Variants in CNGA1 observed in about 807,000 individuals in gnomAD.
The protein encoded by CNGA1 is cyclic nucleotide-gated channel alpha-1.
Under a neutral mutation model 69.7 loss-of-function variants are expected in CNGA1, and 53 were observed. That is an observed-to-expected ratio of 0.76 (90% CI 0.61 to 0.96). CNGA1 has a LOEUF of 0.96. CNGA1 is among the 40% of genes least tolerant of loss of function. The probability of loss-of-function intolerance (pLI) is 0.00; values close to 1 mark genes in which losing one functional copy is unlikely to be tolerated. For synonymous variants in CNGA1, 249 were observed against 283.5 expected, an observed-to-expected ratio of 0.88 and a Z score of 1.22; for missense variants, 739 against 811.2, an observed-to-expected ratio of 0.91 and a Z score of 1.08.
chr4:47,952,046 T>C (rs1739773483), intron 4 of CNGA1, among the ~76,000 whole-genome samples: 1 of 152,146 alleles, frequency 6.6e-6, no homozygotes, highest in African/African-American at 2.4e-5. Flanking sequence ...TAATAGATGC[T>C]TCCAAAAAAG....
chr4:47,983,407 G>A lies in CNGA1; in HGVS notation c.-122-1907C>T, dbSNP rs1578111423. Among the ~76,000 whole-genome samples, 4 of 152,070 alleles carry A rather than the reference G, an allele frequency of 2.6e-5. No individual in the cohort carries two copies. The Middle Eastern group carries it at 0.014, about 517-fold the overall frequency. On this transcript the variant is annotated intron_variant, in intron 2 of 10. Coordinates refer to ENST00000514170, the MANE Select transcript of CNGA1 (RefSeq NM_001379270.1). ...AGTTTGAGACCAGCCTGACCAACAT[G>A]AGGAAACCCTGTCTCTACTAAAAAT...
chr4:47,983,317 G>A (rs762160457), intron 2 of CNGA1, among the ~76,000 whole-genome samples: 26 of 152,062 alleles, frequency 1.7e-4, no homozygotes, highest in Admixed American at 4.6e-4. Context: ...TTGGCGGGGC[G>A]TCGTGGCTCA....
At chr4:47,983,888 C>T (rs1741859066) in intron 2 of CNGA1, among the ~76,000 whole-genome samples, 1 of 152,134 alleles carries the variant, frequency 6.6e-6, no homozygotes, top group Non-Finnish European at 1.5e-5. Context: ...TGGCTGCTAC[C>T]ATATCAGAGT....
intron 2 of CNGA1, among the ~76,000 whole-genome samples, chr4:48,006,262 A>C (rs960435749): frequency 1.3e-5 from 2 of 152,166 alleles, no homozygotes; most frequent in African/African-American, 4.8e-5. Context: ...CTACCTTCTA[A>C]AGAGAACCAA....
intron 3 of CNGA1, among the ~76,000 whole-genome samples, chr4:47,953,890 C>T (rs1055160157): frequency 6.6e-6 from 1 of 150,978 alleles, no homozygotes; most frequent in African/African-American, 2.4e-5. Flanking sequence ...GGGCTCCACA[C>T]TCGGGCCTTA....
chr4:47,962,343 CA>C (rs34020963), intron 3 of CNGA1, among the ~76,000 whole-genome samples: 23,253 of 125,886 alleles, frequency 0.18, 1,879 homozygotes, highest in South Asian at 0.3. Flanking sequence ...GACTCTGTCT[CA>C]AAAAAAAAAA....
chr4:48,011,430 C>CAT (rs1715161437), intron 1 of CNGA1, among the ~76,000 whole-genome samples: 1 of 150,552 alleles, frequency 6.6e-6, no homozygotes, highest in South Asian at 2.1e-4. Context: ...CACACACACA[C>CAT]ATCTTGGATG....
At chr4:47,988,820 A>G (rs1333810045) in intron 2 of CNGA1, among the ~76,000 whole-genome samples, 2 of 152,032 alleles carry the variant, frequency 1.3e-5, no homozygotes, top group African/African-American at 4.8e-5. Context: ...AAAGACCTCA[A>G]TTTGAGTCCA....
intron 3 of CNGA1, among the ~76,000 whole-genome samples, chr4:47,976,138 T>A (rs1328507557): frequency 1.0e-5 from 1 of 99,486 alleles, no homozygotes; most frequent in Non-Finnish European, 2.2e-5. Flanking sequence ...CCTAAGCATT[T>A]ACTTTCATAT....
At chr4:47,950,702 G>A (rs1405442105) in intron 5 of CNGA1, among the ~76,000 whole-genome samples, 2 of 152,240 alleles carry the variant, frequency 1.3e-5, no homozygotes, top group South Asian at 2.1e-4. Flanking sequence ...TGTAAAACAG[G>A]TGGAAACCCC....
At chr4:47,983,452 G>T (rs868527828) in intron 2 of CNGA1, among the ~76,000 whole-genome samples, 17 of 151,940 alleles carry the variant, frequency 1.1e-4, no homozygotes, top group African/African-American at 3.6e-4. Context: ...AGCTGGGCGT[G>T]GTGGTACAGT....
chr4:47,937,597 C>T lies in CNGA1; in HGVS notation c.885G>A (p.Arg295=). The T allele has an allele frequency of 6.2e-7, 1 of 1,614,084 alleles. No homozygotes were observed. Among genetic ancestry groups the T allele is most frequent in the Non-Finnish European group, 8.5e-7 (1 of 1,180,018 alleles). ...CGATATACATAACAAGGTTGGAAAT[C>T]CTGAAGATGTTTGGATAGTTTGTCC... ...ETRTNYPNIF[R]ISNLVMYIVI... is the part of the protein sequence containing the mutation. The change falls in exon 11 of 11, where the codon AGG becomes AGA. Residue 295 remains arginine (R), a synonymous_variant. Transcript: ENST00000514170.
At chr4:47,983,046 C>T (rs1041463763) in intron 2 of CNGA1, among the ~76,000 whole-genome samples, 4 of 152,084 alleles carry the variant, frequency 2.6e-5, no homozygotes, top group East Asian at 1.9e-4. Flanking sequence ...TCAAATGATC[C>T]GCCCACCTGG....
chr4:47,999,287 C>A (rs1714550442), intron 2 of CNGA1, among the ~76,000 whole-genome samples: 1 of 152,224 alleles, frequency 6.6e-6, no homozygotes, highest in South Asian at 2.1e-4. Context: ...TGGTTTCAGG[C>A]ACCCCCTGGG....
intron 2 of CNGA1, among the ~76,000 whole-genome samples, chr4:48,009,584 AC>A (rs1261024644): frequency 6.6e-6 from 1 of 152,060 alleles, no homozygotes; most frequent in Non-Finnish European, 1.5e-5. Flanking sequence ...TGGGCAGATC[AC>A]CTGAGGTCAG....
intron 3 of CNGA1, 174 bp from the exon 4 acceptor site, chr4:47,952,877 G>T (rs538734847): frequency 5.0e-5 from 19 of 378,082 alleles, no homozygotes; most frequent in African/African-American, 3.7e-4. Context: ...CACATGGCTA[G>T]GGGGAGCCTC....
At chr4:47,984,909 CACTTT>C (rs1440289841) in intron 2 of CNGA1, among the ~76,000 whole-genome samples, 3 of 152,008 alleles carry the variant, frequency 2.0e-5, no homozygotes, top group South Asian at 2.1e-4. Flanking sequence ...ATTCAGTGTT[CACTTT>C]ACTTTAGCCT....
At chr4:47,977,265 C>T (rs1268339667) in intron 3 of CNGA1, among the ~76,000 whole-genome samples, 2 of 152,010 alleles carry the variant, frequency 1.3e-5, no homozygotes, top group African/African-American at 4.8e-5. Flanking sequence ...GAAGAGGAAA[C>T]GTGGACATAC....
intron 2 of CNGA1, among the ~76,000 whole-genome samples, chr4:47,997,007 C>T (rs1164968109): frequency 6.6e-6 from 1 of 152,072 alleles, no homozygotes; most frequent in Non-Finnish European, 1.5e-5. Flanking sequence ...TTGCAGTGAG[C>T]CAAGATTGTG....
Sources: allele counts gnomAD v4.1 joint callset (sites outside exome capture counted in the v4.1 genomes callset), GRCh38; gene constraint gnomAD v4.1.1; transcripts MANE v1.5; gene names NCBI Gene and HGNC (gene_info 2026-07-23, HGNC 2026-07-21).